RABGAP1L: variants seen among roughly 807,000 people sequenced by gnomAD.
RABGAP1L encodes the protein RAB GTPase activating protein 1 like, also known as rab GTPase-activating protein 1-like.
RABGAP1L carries 63 observed loss-of-function variants against 137.7 expected under a neutral mutation model. The observed-to-expected ratio is 0.46, with a 90% CI of 0.37 to 0.56. RABGAP1L has a LOEUF of 0.56. RABGAP1L is among the 20% of genes least tolerant of loss of function. The probability of loss-of-function intolerance (pLI) is 0.00; values close to 1 mark genes in which losing one functional copy is unlikely to be tolerated. For synonymous variants in RABGAP1L, 431 were observed against 433.7 expected (o/e 0.99, Z 0.08); for missense variants, 1,095 against 1,244.0 (o/e 0.88, Z 1.80).
chr1:174,354,859 A>C (rs1315887355), intron 11 of RABGAP1L, among the ~76,000 whole-genome samples: 3 of 152,246 alleles, frequency 2.0e-5, no homozygotes, highest in Non-Finnish European at 4.4e-5. Flanking sequence ...GAAGGGATCC[A>C]GTTTCAACTT....
At chr1:174,370,208 C>A (rs933857578) in intron 11 of RABGAP1L, among the ~76,000 whole-genome samples, 1 of 152,146 alleles carries the variant, frequency 6.6e-6, no homozygotes, top group Non-Finnish European at 1.5e-5. Context: ...ACTTCTCCAG[C>A]CTTTTCTTAT....
chr1:174,232,070 T>C (rs1232901553), intron 4 of RABGAP1L, among the ~76,000 whole-genome samples: 1 of 152,090 alleles, frequency 6.6e-6, no homozygotes, highest in Non-Finnish European at 1.5e-5. Context: ...CTTCAGCTTC[T>C]GAAGTAATAG....
intron 13 of RABGAP1L, among the ~76,000 whole-genome samples, chr1:174,561,414 G>A (rs1020364852): frequency 1.3e-5 from 2 of 152,136 alleles, no homozygotes; most frequent in Admixed American, 6.6e-5. Context: ...AATCAGTATC[G>A]TGAAAATGGC....
At chr1:174,230,676 A>T (rs1406022899) in intron 3 of RABGAP1L, among the ~76,000 whole-genome samples, 1 of 152,140 alleles carries the variant, frequency 6.6e-6, no homozygotes. Flanking sequence ...TGGCATATGG[A>T]TAAGGCTATG....
At chr1:174,534,800 A>AT (rs1558316632) in intron 13 of RABGAP1L, among the ~76,000 whole-genome samples, 1 of 136,188 alleles carries the variant, frequency 7.3e-6, no homozygotes, top group Non-Finnish European at 1.6e-5. Context: ...AAAAAAAAAA[A>AT]AAAATAATTA....
intron 13 of RABGAP1L, among the ~76,000 whole-genome samples, chr1:174,495,155 G>A (rs1403194950): frequency 1.3e-5 from 2 of 152,052 alleles, no homozygotes; most frequent in Non-Finnish European, 2.9e-5. Context: ...TACCATAAGT[G>A]GTGTGTCTGA....
intron 13 of RABGAP1L, among the ~76,000 whole-genome samples, chr1:174,585,569 A>G (rs563416590): frequency 2.0e-5 from 3 of 152,298 alleles, no homozygotes; most frequent in East Asian, 3.9e-4. Flanking sequence ...GAAAGTTCAC[A>G]TTTTTCCCAT....
intron 15 of RABGAP1L, among the ~76,000 whole-genome samples, chr1:174,685,999 C>T (rs1678430883): frequency 6.6e-6 from 1 of 152,160 alleles, no homozygotes. Flanking sequence ...GAGAGTACAT[C>T]AGATCATCTA....
chr1:174,580,172 G>A lies in RABGAP1L; in HGVS notation c.1711-57203G>A, dbSNP rs143242153. On this transcript the variant is annotated intron_variant, in intron 13 of 25. Transcript: ENST00000681986. ...AAACTTAAGACTTGTTGTATTAAACGACATCATCAGGAAAATGAAAAGGCA... is the reference window on the plus strand; with the variant it reads ...AAACTTAAGACTTGTTGTATTAAACAACATCATCAGGAAAATGAAAAGGCA... 9.9e-4 allele frequency among the ~76,000 whole-genome samples: 150 copies of A among 152,226 alleles called. 1 individual carries two copies. Among genetic ancestry groups the A allele is most frequent in the African/African-American group, 3.4e-3 (140 of 41,552 alleles).
At chr1:174,392,127 T>C (rs1244641802) in intron 12 of RABGAP1L, among the ~76,000 whole-genome samples, 1 of 152,212 alleles carries the variant, frequency 6.6e-6, no homozygotes, top group African/African-American at 2.4e-5. Flanking sequence ...ACTAAAATTA[T>C]GTTTTAATTT....
chr1:174,875,888 A>G (rs1359853516), intron 19 of RABGAP1L, among the ~76,000 whole-genome samples: 10 of 152,224 alleles, frequency 6.6e-5, no homozygotes, highest in Admixed American at 6.5e-4. Flanking sequence ...TACTGACTCC[A>G]ACAAGGGTCA....
At chr1:174,468,566 A>C (rs1657555561) in intron 13 of RABGAP1L, among the ~76,000 whole-genome samples, 1 of 152,204 alleles carries the variant, frequency 6.6e-6, no homozygotes, top group Non-Finnish European at 1.5e-5. Context: ...TCCATATGAC[A>C]GCGTGGGCAG....
intron 13 of RABGAP1L, chr1:174,547,933 C>G: frequency 2.6e-6 from 4 of 1,550,200 alleles, no homozygotes; most frequent in Non-Finnish European, 3.5e-6. Flanking sequence ...TAACCAGCTG[C>G]AATTTGACAT....
intron 14 of RABGAP1L, among the ~76,000 whole-genome samples, chr1:174,643,830 T>A (rs1674719524): frequency 6.6e-6 from 1 of 152,036 alleles, no homozygotes; most frequent in African/African-American, 2.4e-5. Context: ...ACAATTATGT[T>A]TATATCTATT....
At chr1:174,392,351 G>C (rs911280973) in intron 12 of RABGAP1L, among the ~76,000 whole-genome samples, 1 of 152,100 alleles carries the variant, frequency 6.6e-6, no homozygotes. Context: ...CGGTTATGGA[G>C]GTGTATTTAA....
intron 1 of RABGAP1L, among the ~76,000 whole-genome samples, chr1:174,177,035 C>A (rs1431948584): frequency 6.6e-6 from 1 of 152,120 alleles, no homozygotes; most frequent in Non-Finnish European, 1.5e-5. Context: ...GAGATAACAC[C>A]ACTGGACTCC....
At chr1:174,684,451 T>C (rs1206981310) in intron 15 of RABGAP1L, among the ~76,000 whole-genome samples, 2 of 152,222 alleles carry the variant, frequency 1.3e-5, no homozygotes, top group Non-Finnish European at 2.9e-5. Context: ...CACAGTTTAC[T>C]ATAGCAATTG....
rs1354016819 is a variant in RABGAP1L at position 174,968,515 on chromosome 1, TTC to T, written c.2434-760_2434-759del. ...TAGTGACTTGGTTTTTTTTTTTTCT[TTC>T]TTTTTGTTTGTTTGTTTGTTTCGTT... On this transcript the variant is annotated intron_variant, in intron 20 of 25. Transcript: ENST00000681986. 2.7e-3 allele frequency among the ~76,000 whole-genome samples: 410 copies of T among 152,046 alleles called. 4 individuals carry two copies. Among genetic ancestry groups the T allele is most frequent in the African/African-American group, 8.1e-3 (338 of 41,484 alleles).
intron 13 of RABGAP1L, among the ~76,000 whole-genome samples, chr1:174,463,251 T>C (rs1307501322): frequency 6.6e-6 from 1 of 151,974 alleles, no homozygotes; most frequent in Non-Finnish European, 1.5e-5. Context: ...AGCAAAGACT[T>C]GGAACTAACC....
Sources: allele counts gnomAD v4.1 joint callset (sites outside exome capture counted in the v4.1 genomes callset), GRCh38; gene constraint gnomAD v4.1.1; transcripts MANE v1.5; gene names NCBI Gene and HGNC (gene_info 2026-07-23, HGNC 2026-07-21).